Variants in ALS2 observed in about 807,000 individuals in gnomAD.
ALS2 encodes alsin.
A neutral mutation model predicts 203.4 loss-of-function variants in ALS2; 117 were observed. The ratio of observed to expected loss-of-function variants is 0.58; its 90% CI spans 0.50 to 0.67. The LOEUF (loss-of-function observed/expected upper bound fraction) is 0.67, where lower values mean the gene tolerates loss of function less well. Among genes scored for constraint, ALS2 ranks in the 30% least tolerant of loss-of-function variants. The pLI, the probability that ALS2 is intolerant of heterozygous loss-of-function variation, is 0.00. For synonymous variants in ALS2, 718 were observed against 725.9 expected (o/e 0.99, Z 0.17); for missense variants, 1,715 against 1,989.4 (o/e 0.86, Z 2.62).
chr2:201,764,304 T>TA (rs1454048502), intron 3 of ALS2, among the ~76,000 whole-genome samples: 4 of 151,980 alleles, frequency 2.6e-5, no homozygotes, highest in Non-Finnish European at 5.9e-5. Context: ...TCCCTCTCCT[T>TA]AAAAAACAAA....
At chr2:201,777,976 C>T (rs1431854618) in intron 1 of ALS2, among the ~76,000 whole-genome samples, 3 of 152,138 alleles carry the variant, frequency 2.0e-5, no homozygotes, top group Admixed American at 6.5e-5. Context: ...GATTGCTCTA[C>T]TTTATTGCTC....
Position 201,727,262 on chromosome 2 carries a change from T to C in ALS2, c.2929A>G (p.Thr977Ala), listed in dbSNP as rs2106008063. ...AGAGTGAACTGCTCCTCAGGTGTAG[T>C]TATCTTTAAGCCATTCCTAAAACGT... ...EAGGVNGLKI[T>A]TPEEQFTLIS... The change falls in exon 17 of 34, where the codon ACT becomes GCT. Residue 977 changes from threonine (T) to alanine (A), a missense_variant. By Grantham distance (58) the Thr-to-Ala change is moderately conservative. Around this residue, in one of 3 missense-constraint regions of ALS2, gnomAD observed 1,227 missense variants for 1,413.5 expected, o/e 0.87. Coordinates refer to ENST00000264276, the MANE Select transcript of ALS2 (RefSeq NM_020919.4). The C allele has an allele frequency of 6.2e-7, 1 of 1,613,806 alleles. No individual in the cohort carries two copies. Among genetic ancestry groups the C allele is most frequent in the Non-Finnish European group, 8.5e-7 (1 of 1,179,734 alleles).
intron 15 of ALS2, 93 bp from the exon 16 acceptor site, chr2:201,727,868 G>T (rs1691292737): frequency 1.7e-6 from 2 of 1,193,566 alleles, no homozygotes; most frequent in Non-Finnish European, 2.4e-6. Flanking sequence ...ACCCACATGG[G>T]CCTTGCAGTC....
At position 201,723,139 on chromosome 2, in the gene ALS2, GA is replaced by G; in HGVS notation, c.3625-20del. ...CATTTCCCTACAAGAAGAAACAAGAGAAAAATTACAACACATAAAATACAGA... is the reference window on the plus strand; with the variant it reads ...CATTTCCCTACAAGAAGAAACAAGAGAAAATTACAACACATAAAATACAGA... On this transcript the variant is annotated intron_variant, in intron 22 of 33. Transcript: ENST00000264276. 3 of 1,592,576 alleles carry G rather than the reference GA, an allele frequency of 1.9e-6. No individual in the cohort carries two copies. The highest frequency in any genetic ancestry group is 2.6e-6 in the Non-Finnish European group (3 of 1,160,668).
chr2:201,724,880 G>A (rs1051112025), intron 20 of ALS2, among the ~76,000 whole-genome samples: 11 of 152,068 alleles, frequency 7.2e-5, no homozygotes, highest in Non-Finnish European at 1.6e-4. Context: ...TTGGGAGGCC[G>A]AGGCGGGTGG....
intron 23 of ALS2, 73 bp downstream of exon 23, chr2:201,722,970 G>C: frequency 8.2e-7 from 1 of 1,214,478 alleles, no homozygotes; most frequent in Non-Finnish European, 1.2e-6. Flanking sequence ...ATGTAAATCA[G>C]CTATTTTTAA....
intron 25 of ALS2, among the ~76,000 whole-genome samples, chr2:201,712,354 TA>T (rs1205396044): frequency 6.6e-6 from 1 of 152,236 alleles, no homozygotes; most frequent in African/African-American, 2.4e-5. Flanking sequence ...TGAATACTGG[TA>T]ATTTATTTAA....
At chr2:201,775,199 A>G (rs1375045536) in intron 1 of ALS2, among the ~76,000 whole-genome samples, 1 of 152,210 alleles carries the variant, frequency 6.6e-6, no homozygotes, top group Non-Finnish European at 1.5e-5. Flanking sequence ...ATAGACATTG[A>G]GTGACTTGGA....
At position 201,710,028 on chromosome 2, in the gene ALS2, G is replaced by T. The variant is rs774528152; in HGVS notation, c.4133C>A (p.Thr1378Asn). 1 of 1,613,918 alleles carries T rather than the reference G, an allele frequency of 6.2e-7. No individual in the cohort carries two copies. Among genetic ancestry groups the T allele is most frequent in the Admixed American group, 1.7e-5 (1 of 60,002 alleles). Reference protein sequence around the residue: ...IRKYLIKACDTPLHPLGRLVE... With the variant: ...IRKYLIKACDNPLHPLGRLVE... ...AAGCCTGCCCAGGGGGTGCAGAGGA[G>T]TGTCACAGGCCTGAGTAGGAAAAGA... The change falls in exon 27 of 34, where the codon ACT becomes AAT. Residue 1378 changes from threonine (T) to asparagine (N), a missense_variant. Transcript: ENST00000264276.
chr2:201,761,730 C>T lies in ALS2; in HGVS notation c.264G>A (p.Leu88=). The T allele has an allele frequency of 6.2e-7, 1 of 1,614,016 alleles. No homozygotes were observed. The highest frequency in any genetic ancestry group is 8.5e-7 in the Non-Finnish European group (1 of 1,180,012). ...CCACAGTAATAACATATTGCCCAAC[C>T]AGGGCATTTTCTAGAATGGGGCTAC... The part of the protein sequence containing the change: ...CPSSPILENA[L]VGQYVITVAT... The change falls in exon 4 of 34, where the codon CTG becomes CTA. Residue 88 remains leucine (L), a synonymous_variant. Coordinates refer to ENST00000264276, the MANE Select transcript of ALS2 (RefSeq NM_020919.4).
chr2:201,703,599 T>C (rs1689515669), intron 33 of ALS2, among the ~76,000 whole-genome samples: 1 of 152,212 alleles, frequency 6.6e-6, no homozygotes, highest in Admixed American at 6.5e-5. Flanking sequence ...GAGTGATTCT[T>C]CCAAATTCCA....
At chr2:201,733,532 G>T in intron 12 of ALS2, 94 bp from the exon 13 acceptor site, 1 of 1,108,762 alleles carries the variant, frequency 9.0e-7, no homozygotes. Flanking sequence ...ACCTCTTTCA[G>T]AATGCACATT....
chr2:201,762,067 T>C (rs1693802554), intron 3 of ALS2, among the ~76,000 whole-genome samples: 1 of 152,220 alleles, frequency 6.6e-6, no homozygotes, highest in South Asian at 2.1e-4. Context: ...GCTAATCCTT[T>C]CCTTCAGCCT....
chr2:201,757,846 G>A (rs564425879), intron 4 of ALS2, 87 bp from the exon 5 acceptor site: 30 of 1,025,568 alleles, frequency 2.9e-5, no homozygotes, highest in East Asian at 1.6e-4. Context: ...AATATCCATC[G>A]CTATTTGCAT....
chr2:201,720,194 T>C (rs1690677024), intron 23 of ALS2: 1 of 385,654 alleles, frequency 2.6e-6, no homozygotes, highest in African/African-American at 2.2e-5. Flanking sequence ...CTCTCATAAA[T>C]ATGAATGCAA....
chr2:201,771,267 G>C (rs1408991179), intron 1 of ALS2, among the ~76,000 whole-genome samples: 2 of 151,884 alleles, frequency 1.3e-5, no homozygotes, highest in Non-Finnish European at 2.9e-5. Flanking sequence ...GGCTGGTCTC[G>C]AACTCCTGAC....
intron 8 of ALS2, among the ~76,000 whole-genome samples, chr2:201,747,787 G>C (rs1692768649): frequency 6.6e-6 from 1 of 152,106 alleles, no homozygotes; most frequent in Non-Finnish European, 1.5e-5. Flanking sequence ...AGGTGATTCT[G>C]ATGTATGCAA....
intron 12 of ALS2, among the ~76,000 whole-genome samples, chr2:201,734,629 G>GT (rs970480334): frequency 1.3e-5 from 2 of 152,134 alleles, no homozygotes; most frequent in African/African-American, 4.8e-5. Flanking sequence ...AGAGACGGAG[G>GT]TAAGATATAG....
At chr2:201,710,890 C>A in intron 26 of ALS2, 101 bp downstream of exon 26, 1 of 786,636 alleles carries the variant, frequency 1.3e-6, no homozygotes, top group Non-Finnish European at 2.2e-6. Context: ...GATGCAAAAA[C>A]AGGATTAGAA....
Sources: allele counts gnomAD v4.1 joint callset (sites outside exome capture counted in the v4.1 genomes callset), GRCh38; gene constraint gnomAD v4.1.1; regional missense constraint gnomAD v4.1.1; transcripts MANE v1.5; gene names NCBI Gene and HGNC (gene_info 2026-07-23, HGNC 2026-07-21).